Variants in LONP1 observed in about 807,000 individuals in gnomAD.
The protein encoded by LONP1 is lon peptidase 1, mitochondrial, also known as lon protease homolog, mitochondrial.
LONP1 carries 31 observed loss-of-function variants against 98.5 expected under a neutral mutation model. That is an observed-to-expected ratio of 0.31 (90% confidence interval 0.24 to 0.42). The LOEUF (loss-of-function observed/expected upper bound fraction) is 0.42, where lower values mean the gene tolerates loss of function less well. Ranked by LOEUF, LONP1 falls within the 20% of genes least tolerant of loss-of-function variation. The probability of loss-of-function intolerance (pLI) is 1.00; values close to 1 mark genes in which losing one functional copy is unlikely to be tolerated. For missense variants in LONP1, 1,336 were observed against 1,350.6 expected (o/e 0.99, Z 0.17); for synonymous variants, 781 against 594.7 (o/e 1.31, Z -4.56).
Position 5,700,828 on chromosome 19 carries a change from T to C in LONP1, c.1467A>G (p.Glu489=). ...TGACGTCCTCCATGCCGTAGTGGTC[T>C]TCCTCCAGCACTGCCTGTGCCCGCG... ...DLARAQAVLE[E]DHYGMEDVKK... The change falls in exon 9 of 18, where the codon GAA becomes GAG. Residue 489 remains glutamate (E), a synonymous_variant. Transcript: ENST00000360614. 1 of 1,614,206 alleles carries C rather than the reference T, an allele frequency of 6.2e-7. No homozygotes were observed. Among genetic ancestry groups the C allele is most frequent in the Non-Finnish European group, 8.5e-7 (1 of 1,180,026 alleles).
chr19:5,696,635 C>CG, intron 11 of LONP1, 35 bp downstream of exon 11: 1 of 1,593,598 alleles, frequency 6.3e-7, no homozygotes, highest in Non-Finnish European at 8.6e-7. Context: ...ACGGCATTGC[C>CG]GGGTTAGGGG....
At chr19:5,701,396 G>A (rs1324702190) in intron 8 of LONP1, among the ~76,000 whole-genome samples, 2 of 151,806 alleles carry the variant, frequency 1.3e-5, no homozygotes, top group African/African-American at 4.8e-5. Flanking sequence ...AGGCTGGACT[G>A]TGTGCTGCCA....
chr19:5,713,069 A>G, intron 3 of LONP1, 65 bp downstream of exon 3: 1 of 1,608,602 alleles, frequency 6.2e-7, no homozygotes, highest in East Asian at 2.2e-5. Context: ...GGCATAAGGC[A>G]TCCTGGCTGG....
At chr19:5,703,852 C>T (rs547937240) in intron 8 of LONP1, among the ~76,000 whole-genome samples, 222 of 152,234 alleles carry the variant, frequency 1.5e-3, no homozygotes, top group African/African-American at 5.1e-3. Flanking sequence ...CCTTACAGAC[C>T]CCCTCAGCTC....
chr19:5,696,335 A>G lies in LONP1; in HGVS notation c.1810T>C (p.Ser604Pro). The G allele has an allele frequency of 6.2e-7, 1 of 1,613,222 alleles. No homozygotes were observed. Among genetic ancestry groups the G allele is most frequent in the East Asian group, 2.2e-5 (1 of 44,862 alleles). Residue 604 changes from serine (S) to proline (P), a missense_variant, in exon 12 of 18, where the codon TCG (serine) becomes CCG (proline). Ser to Pro is a moderately conservative substitution (Grantham distance 74, BLOSUM62 -1). Coordinates refer to ENST00000360614, the MANE Select transcript of LONP1 (RefSeq NM_004793.4). ...TCCAGCAGCTCCAGCAGTGCCGACG[A>G]CGGGTCCCCCTGGTAGCCTCGGCCG... ...KIGRGYQGDP[S>P]SALLELLDPE... is the part of the protein sequence containing the mutation.
Position 5,694,905 on chromosome 19 carries a change from C to CA in LONP1, c.2014-5dup. The CA allele has an allele frequency of 6.3e-7, 1 of 1,590,688 alleles. No homozygotes were observed. The highest frequency in any genetic ancestry group is 8.6e-7 in the Non-Finnish European group (1 of 1,161,880). ...GAGCCTGGGGCACCAGGTAGCGCTG[C>CA]AAGGGCAACCGTCAGGGTTGGGTCT... is the stretch of plus-strand genomic sequence containing the variant. On this transcript the variant is annotated splice_region_variant and splice_polypyrimidine_tract_variant and intron_variant, in intron 13 of 17. Transcript: ENST00000360614.
intron 8 of LONP1, among the ~76,000 whole-genome samples, chr19:5,703,076 G>A (rs1371083951): frequency 2.6e-5 from 4 of 151,574 alleles, no homozygotes; most frequent in African/African-American, 9.7e-5. Context: ...AGCTACTCGG[G>A]AGGCTGAGGC....
chr19:5,700,720 A>G, intron 9 of LONP1, 69 bp downstream of exon 9: 2 of 1,587,610 alleles, frequency 1.3e-6, no homozygotes, highest in South Asian at 1.1e-5. Flanking sequence ...ATCTCAACCC[A>G]CAGCACACAA....
intron 5 of LONP1, 110 bp from the exon 6 acceptor site, chr19:5,707,936 C>T (rs1351333183): frequency 3.0e-6 from 4 of 1,325,688 alleles, no homozygotes; most frequent in Non-Finnish European, 4.2e-6. Context: ...TAGCTATGGG[C>T]ACGGTCTAGG....
chr19:5,693,162 G>A (rs2054861081), intron 17 of LONP1, 136 bp downstream of exon 17: 2 of 1,094,660 alleles, frequency 1.8e-6, no homozygotes, highest in African/African-American at 1.6e-5. Context: ...GCCAGCTCCA[G>A]GCCAGAGAGA....
At chr19:5,692,410 C>A in intron 17 of LONP1, among the ~76,000 whole-genome samples, 1 of 152,220 alleles carries the variant, frequency 6.6e-6, no homozygotes, top group Middle Eastern at 3.2e-3. Flanking sequence ...TTGGCTCCAA[C>A]AGCCTGAGAG....
At chr19:5,707,466 C>T (rs367626927) in intron 6 of LONP1, among the ~76,000 whole-genome samples, 1 of 152,284 alleles carries the variant, frequency 6.6e-6, no homozygotes, top group African/African-American at 2.4e-5. Flanking sequence ...CAACCGAAGG[C>T]TATGAAGCCA....
At chr19:5,719,558 G>C (rs1319438793) in intron 1 of LONP1, 146 bp downstream of exon 1, 1 of 1,469,710 alleles carries the variant, frequency 6.8e-7, no homozygotes, top group Non-Finnish European at 9.1e-7. Context: ...AGCTAGTGGT[G>C]AGCAGACAAG....
chr19:5,717,891 CTTTT>C (rs532198283), intron 1 of LONP1, among the ~76,000 whole-genome samples: 8 of 133,250 alleles, frequency 6.0e-5, no homozygotes, highest in African/African-American at 2.2e-4. Flanking sequence ...TTCTTTCTTT[CTTTT>C]TTTTTTTTTT....
chr19:5,701,436 T>G (rs190645791), intron 8 of LONP1, among the ~76,000 whole-genome samples: 2 of 152,302 alleles, frequency 1.3e-5, no homozygotes, highest in East Asian at 1.9e-4. Context: ...CCCTGCCTGG[T>G]TCTCCTGCCT....
At chr19:5,714,619 T>TTTTG (rs1491400126) in intron 1 of LONP1, among the ~76,000 whole-genome samples, 2 of 64,982 alleles carry the variant, frequency 3.1e-5, no homozygotes, top group East Asian at 5.2e-4. Flanking sequence ...GTAGCTTTTC[T>TTTTG]TTTTTTTTTT....
chr19:5,720,245 C>G, upstream of LONP1: 5 of 1,350,550 alleles, frequency 3.7e-6, no homozygotes, highest in South Asian at 6.8e-5. Flanking sequence ...TCGAAACAGC[C>G]GCTTCAGGGA....
At chr19:5,719,616 A>G in intron 1 of LONP1, 88 bp downstream of exon 1, 1 of 1,596,794 alleles carries the variant, frequency 6.3e-7, no homozygotes, top group African/African-American at 1.3e-5. Context: ...AAAAGTTGCG[A>G]AACACAAGGG....
In LONP1 at chr19:5,696,135, G is replaced by T; in HGVS notation, c.1932C>A (p.Thr644=). ...TACGGTCTCGCAGCGGCTCGGGGAT[G>T]GTGTCCGTGACGTTGGCCGTGCAGA... ...LFICTANVTD[T]IPEPLRDRME... Residue 644 remains threonine, a synonymous_variant, in exon 13 of 18, where the codon ACC becomes ACA. Transcript: ENST00000360614. 6.2e-7 allele frequency: 1 copy of T among 1,612,802 alleles called. No individual in the cohort carries two copies. The highest frequency in any genetic ancestry group is 1.1e-5 in the South Asian group (1 of 91,082).
Sources: allele counts gnomAD v4.1 joint callset (sites outside exome capture counted in the v4.1 genomes callset), GRCh38; gene constraint gnomAD v4.1.1; transcripts MANE v1.5; gene names NCBI Gene and HGNC (gene_info 2026-07-23, HGNC 2026-07-21).